Variants in SCRN1 observed in about 807,000 individuals in gnomAD.
SCRN1 encodes secernin 1.
Under a neutral mutation model 43.3 loss-of-function variants are expected in SCRN1, and 19 were observed. The observed-to-expected ratio is 0.44, with a 90% CI of 0.31 to 0.64. The LOEUF is 0.64. Among genes scored for constraint, SCRN1 ranks in the 30% least tolerant of loss-of-function variants. The probability of loss-of-function intolerance (pLI) is 0.09; values close to 1 mark genes in which losing one functional copy is unlikely to be tolerated. For missense variants in SCRN1, 447 were observed against 524.1 expected, an observed-to-expected ratio of 0.85 and a Z score of 1.44; for synonymous variants, 183 against 188.9, an observed-to-expected ratio of 0.97 and a Z score of 0.26.
chr7:29,939,852 T>C (rs543051467), intron 5 of SCRN1, among the ~76,000 whole-genome samples: 1 of 152,256 alleles, frequency 6.6e-6, no homozygotes, highest in East Asian at 1.9e-4. Context: ...GATTCTGATT[T>C]AAGTTAATAA....
Position 29,936,714 on chromosome 7 carries a change from G to A in SCRN1, c.747C>T (p.Ile249=). 3 of 1,536,572 alleles carry A rather than the reference G, an allele frequency of 2.0e-6. No individual in the cohort carries two copies. The highest frequency in any genetic ancestry group is 1.8e-6 in the Non-Finnish European group (2 of 1,127,802). The change falls in exon 6 of 8, where the codon ATC becomes ATT. Residue 249 remains isoleucine (I), a synonymous_variant. Coordinates refer to ENST00000242059, the MANE Select transcript of SCRN1 (RefSeq NM_014766.5). The stretch of plus-strand genomic sequence containing the variant: ...AGGTGTTCATCATAGTCTGCACTGT[G>A]ATGCTTTCTGCAAAAACACAAAAGA... ...KDSLEKQEES[I]TVQTMMNTLR...
In SCRN1 at chr7:29,921,011, A is replaced by T. The variant is rs893189999; in HGVS notation, c.*2946T>A. On this transcript the variant is annotated 3_prime_UTR_variant, in exon 8 of 8. Coordinates refer to ENST00000242059, the MANE Select transcript of SCRN1 (RefSeq NM_014766.5). ...GAAAGGGTACTATTTCTGCTTTGCT[A>T]ATTTACTCCTGCCAGAGCTTCTGTC... 6 of 152,624 alleles carry T rather than the reference A, an allele frequency of 3.9e-5. No individual in the cohort carries two copies. The highest frequency in any genetic ancestry group is 1.4e-4 in the African/African-American group (6 of 41,448). 9.5% of individuals were successfully genotyped at this position (152,624 alleles called of 1,614,324 possible).
In SCRN1 at chr7:29,966,594, GACATTCACTCATTGATGAAT is replaced by G. The variant is rs914097443; in HGVS notation, c.159+2295_159+2314del. 7.9e-5 allele frequency among the ~76,000 whole-genome samples: 12 copies of G among 152,286 alleles called. No homozygotes were observed. In the East Asian group the frequency reaches 2.3e-3, roughly 29 times the overall value. ...GAAACATTTGGACCCAAATAACATG[GACATTCACTCATTGATGAAT>G]ACCCATTTAAAACCTAACATGCTCA... On this transcript the variant is annotated intron_variant, in intron 2 of 7. Transcript: ENST00000242059.
chr7:29,928,889 T>A (rs1376294375), intron 6 of SCRN1, among the ~76,000 whole-genome samples: 1 of 152,192 alleles, frequency 6.6e-6, no homozygotes, highest in African/African-American at 2.4e-5. Context: ...CTATATGAAA[T>A]TGAATTCTTT....
At chr7:29,983,380 C>T (rs1789053150) in intron 1 of SCRN1, among the ~76,000 whole-genome samples, 1 of 150,946 alleles carries the variant, frequency 6.6e-6, no homozygotes, top group African/African-American at 2.4e-5. Flanking sequence ...TGCAGCGCAC[C>T]GGCATGGCAC....
intron 2 of SCRN1, among the ~76,000 whole-genome samples, chr7:29,966,159 CAG>C (rs58247318): frequency 0.052 from 4,405 of 84,376 alleles, 114 homozygotes; most frequent in African/African-American, 0.095. Context: ...GACCGAGAGA[CAG>C]AGAGAGAGAG....
intron 3 of SCRN1, among the ~76,000 whole-genome samples, chr7:29,952,693 A>AG (rs201146440): frequency 0.033 from 3,590 of 110,392 alleles, 206 homozygotes; most frequent in East Asian, 0.32. Context: ...TAAAAAAAAA[A>AG]AAGAGAGAGA....
chr7:29,930,349 G>C (rs985367942), intron 6 of SCRN1, among the ~76,000 whole-genome samples: 2 of 152,206 alleles, frequency 1.3e-5, no homozygotes, highest in African/African-American at 4.8e-5. Context: ...GGGTAACTCA[G>C]TGGTTCCCAA....
chr7:29,969,961 A>G (rs1788617059), intron 1 of SCRN1: 1 of 432,798 alleles, frequency 2.3e-6, no homozygotes, highest in Non-Finnish European at 4.7e-6. Flanking sequence ...TGTACATTCC[A>G]TCTCCTAAAT....
intron 6 of SCRN1, among the ~76,000 whole-genome samples, chr7:29,933,709 C>T (rs1787233300): frequency 6.6e-6 from 1 of 152,146 alleles, no homozygotes; most frequent in African/African-American, 2.4e-5. Context: ...TACATACTAC[C>T]TAGCACATAG....
At chr7:29,933,227 T>G (rs928967719) in intron 6 of SCRN1, among the ~76,000 whole-genome samples, 8 of 152,180 alleles carry the variant, frequency 5.3e-5, no homozygotes, top group Admixed American at 2.0e-4. Context: ...TGGGGACCTC[T>G]CAGTGGTTTA....
At chr7:29,988,179 C>T (rs1789222208) in intron 1 of SCRN1, among the ~76,000 whole-genome samples, 2 of 152,202 alleles carry the variant, frequency 1.3e-5, no homozygotes, top group African/African-American at 2.4e-5. Flanking sequence ...GTTATGTGCA[C>T]TGCTCTTGGA....
Position 29,965,682 on chromosome 7 carries a change from G to T in SCRN1, c.159+3227C>A, listed in dbSNP as rs1443035357. On this transcript the variant is annotated intron_variant, in intron 2 of 7. Transcript: ENST00000242059. The surrounding 1 kb of genome is among the most constrained non-coding windows in gnomAD (Gnocchi z 4.2). ...ACACAGGTATGGAACTCAGAAGAGA[G>T]GTCAGAGCTGCCTTAGAGGCTAATT... is the stretch of plus-strand genomic sequence containing the variant. 6.6e-6 allele frequency among the ~76,000 whole-genome samples: 1 copy of T among 152,136 alleles called. No individual in the cohort carries two copies. The highest frequency in any genetic ancestry group is 2.4e-5 in the African/African-American group (1 of 41,410).
intron 1 of SCRN1, among the ~76,000 whole-genome samples, chr7:29,986,717 A>ATTTT (rs553845779): frequency 6.3e-4 from 63 of 99,816 alleles, no homozygotes; most frequent in South Asian, 9.4e-4. Flanking sequence ...AATTTTTTTA[A>ATTTT]TTTTTTTTTT....
At chr7:29,927,862 T>C (rs146090454) in intron 6 of SCRN1, among the ~76,000 whole-genome samples, 3,102 of 152,240 alleles carry the variant, frequency 0.02, 38 homozygotes, top group South Asian at 0.056. Context: ...GGCTCACACC[T>C]GTAATCCCAG....
chr7:29,934,841 CA>C (rs779617596), intron 6 of SCRN1, among the ~76,000 whole-genome samples: 4 of 152,192 alleles, frequency 2.6e-5, no homozygotes, highest in African/African-American at 4.8e-5. Flanking sequence ...GCTTGTTTCA[CA>C]GAGGGGCTGG....
In SCRN1 at chr7:29,923,949, C is replaced by T. The variant is rs191349402; in HGVS notation, c.*8G>A. ...TCTTAAATAAGAAGGGGAAAGGGAACGCTTACTTCACTTAAAGAACTTAAT... is the reference window on the plus strand; with the variant it reads ...TCTTAAATAAGAAGGGGAAAGGGAATGCTTACTTCACTTAAAGAACTTAAT... On this transcript the variant is annotated 3_prime_UTR_variant, in exon 8 of 8. Transcript: ENST00000242059. 721 of 1,603,304 alleles carry T rather than the reference C, an allele frequency of 4.5e-4. 2 individuals carry two copies. Among genetic ancestry groups the T allele is most frequent in the Non-Finnish European group, 5.5e-4 (645 of 1,175,236 alleles).
In SCRN1 at chr7:29,936,679, T is replaced by G. The variant is rs771328986; in HGVS notation, c.782A>C (p.Lys261Thr). Reference protein sequence around the residue: ...VQTMMNTLRDKASGVCIDSEF... With the variant: ...VQTMMNTLRDTASGVCIDSEF... ...AGAGTCTATGCACACTCCGCTGGCT[T>G]TGTCCCGTAAGGTGTTCATCATAGT... Residue 261 changes from lysine (K) to threonine (T), a missense_variant, in exon 6 of 8, where the codon AAA becomes ACA. Transcript: ENST00000242059. 10 of 1,592,842 alleles carry G rather than the reference T, an allele frequency of 6.3e-6. No homozygotes were observed. In the African/African-American group the frequency reaches 9.4e-5, roughly 15 times the overall value.
intron 2 of SCRN1, among the ~76,000 whole-genome samples, chr7:29,966,024 A>C (rs1310487249): frequency 6.6e-6 from 1 of 152,058 alleles, no homozygotes; most frequent in Non-Finnish European, 1.5e-5. Context: ...TTTGAACAGC[A>C]AACAGCAGGG....
Sources: gnomAD v4.1 joint callset for allele counts (sites outside exome capture counted in the v4.1 genomes callset) on GRCh38, gnomAD v4.1.1 for gene constraint, Gnocchi (gnomAD v3.1) non-coding constraint, MANE v1.5 for transcripts, NCBI Gene and HGNC (gene_info 2026-07-23, HGNC 2026-07-21) for gene names.